POLG: variants seen among roughly 807,000 people sequenced by gnomAD.
POLG encodes DNA polymerase gamma, catalytic subunit, also known as DNA polymerase subunit gamma-1.
Under a neutral mutation model 155.4 loss-of-function variants are expected in POLG, and 110 were observed. The ratio of observed to expected loss-of-function variants is 0.71; its 90% CI spans 0.61 to 0.83. POLG has a LOEUF of 0.83. Ranked by LOEUF, POLG falls within the 40% of genes least tolerant of loss-of-function variation. The probability of loss-of-function intolerance (pLI) is 0.00; values close to 1 mark genes in which losing one functional copy is unlikely to be tolerated. For missense variants in POLG, 1,685 were observed against 1,627.5 expected (o/e 1.04, Z -0.61); for synonymous variants, 701 against 631.5 (o/e 1.11, Z -1.65).
intron 3 of POLG, 84 bp downstream of exon 3, chr15:89,329,997 A>T (rs1056251040): frequency 3.1e-4 from 364 of 1,168,850 alleles, no homozygotes; most frequent in Non-Finnish European, 4.4e-4. Flanking sequence ...ACGTGCCAGG[A>T]AAGGAGTACC....
In POLG at chr15:89,321,246, G is replaced by A. The variant is rs372878701; in HGVS notation, c.2613C>T (p.Gly871=). ...TASNARPDRV[G]SELKAMVQAP... is the part of the protein sequence containing the mutation. ...CCTGCACCATGGCTTTCAACTCACT[G>A]CCTACTCGGTCAGGCTGTGGGAAGA... is the stretch of plus-strand genomic sequence containing the variant. Residue 871 remains glycine (G), a synonymous_variant, in exon 17 of 23, where the codon GGC becomes GGT. Transcript: ENST00000268124. 1.1e-5 allele frequency: 18 copies of A among 1,614,030 alleles called. No homozygotes were observed. Among genetic ancestry groups the A allele is most frequent in the Non-Finnish European group, 1.5e-5 (18 of 1,180,002 alleles).
At chr15:89,325,759 C>A (rs1315826932) in intron 9 of POLG, 73 bp from the exon 10 acceptor site, 1 of 1,170,092 alleles carries the variant, frequency 8.5e-7, no homozygotes, top group Non-Finnish European at 1.3e-6. Context: ...CTCTCTCTCA[C>A]AATGTCCCCA....
rs187037755 is a variant in POLG at position 89,322,395 on chromosome 15, T to C, written c.2426+347A>G. Among the ~76,000 whole-genome samples, 184 of 152,296 alleles carry C rather than the reference T, an allele frequency of 1.2e-3. 2 individuals carry two copies. The highest frequency in any genetic ancestry group is 4.3e-3 in the African/African-American group (177 of 41,554). ...AAATGGCCTTCAAGATGAATACATT[T>C]GCCATTCCAGACTAGAAGACCCAGC... On this transcript the variant is annotated intron_variant, in intron 14 of 22. Transcript: ENST00000268124.
chr15:89,318,867 A>G lies in POLG; in HGVS notation c.3273+64T>C, dbSNP rs947759605. On this transcript the variant is annotated intron_variant, in intron 20 of 22. Transcript: ENST00000268124. ...CTACCTACAAACATTGGTAAGGTCC[A>G]CAGGGAGCTCTGCCCTGCCCTCCCT... The G allele has an allele frequency of 4.4e-5, 70 of 1,581,676 alleles. No individual in the cohort carries two copies. The Middle Eastern group carries it at 1.3e-3, about 30-fold the overall frequency.
intron 18 of POLG, 55 bp from the exon 19 acceptor site, chr15:89,319,405 G>A (rs1041057994): frequency 4.6e-5 from 74 of 1,606,926 alleles, no homozygotes; most frequent in Non-Finnish European, 6.3e-5. Context: ...TGCCACGCTA[G>A]TGCCTTGGCA....
chr15:89,333,255 G>A lies in POLG; in HGVS notation c.500C>T (p.Pro167Leu), dbSNP rs1424057005. Residue 167 changes from proline to leucine, a missense_variant, in exon 2 of 23, where the codon CCG becomes CTG. This residue lies in a region of POLG where 1,210 missense variants were observed against 1,167.1 expected (regional missense o/e 1.04). Transcript: ENST00000268124. ...CCAGCCCTCCGCCCAGGCCCAAGCCGGGGGCTTCGGGGGCAGCTGGGCCTG... is the reference window on the plus strand; with the variant it reads ...CCAGCCCTCCGCCCAGGCCCAAGCCAGGGGCTTCGGGGGCAGCTGGGCCTG... ...LLQAQLPPKP[P>L]AWAWAEGWTR... 2 of 1,563,292 alleles carry A rather than the reference G, an allele frequency of 1.3e-6. No individual in the cohort carries two copies. The highest frequency in any genetic ancestry group is 1.7e-6 in the Non-Finnish European group (2 of 1,153,122).
intron 10 of POLG, among the ~76,000 whole-genome samples, chr15:89,325,083 AGAGAGTGAGTGAGT>A: frequency 1.1e-5 from 1 of 91,220 alleles, no homozygotes; most frequent in Middle Eastern, 5.1e-3. Flanking sequence ...TGAGTGAGTG[AGAGAGTGAGTGAGT>A]GAGAGAGTGA....
chr15:89,322,212 C>T (rs1403593982), intron 14 of POLG, among the ~76,000 whole-genome samples, 197 bp from the exon 15 acceptor site: 1 of 152,234 alleles, frequency 6.6e-6, no homozygotes, highest in East Asian at 1.9e-4. Context: ...CATAAACCAT[C>T]TGGGAACCGG....
At chr15:89,322,166 C>T (rs1358721479) in intron 14 of POLG, 151 bp from the exon 15 acceptor site, 4 of 788,106 alleles carry the variant, frequency 5.1e-6, no homozygotes, top group Non-Finnish European at 8.9e-6. Flanking sequence ...CCTGGCTCAG[C>T]CAAGAACTGG....
intron 1 of POLG, chr15:89,334,133 G>T: frequency 2.9e-6 from 1 of 348,880 alleles, no homozygotes. Context: ...GAAGCCGAGG[G>T]CAGCGAGTAA....
In POLG at chr15:89,321,113, G is replaced by A; in HGVS notation, c.2734+12C>T. The A allele has an allele frequency of 1.2e-6, 2 of 1,614,184 alleles. No homozygotes were observed. Among genetic ancestry groups the A allele is most frequent in the South Asian group, 1.1e-5 (1 of 91,084 alleles). Reference sequence around the variant, plus strand: ...GAGGGGCTGGGCTGCCCCAACCCCGGCTCCTGCTCACCATGCATGCCGGCA... The same window carrying A: ...GAGGGGCTGGGCTGCCCCAACCCCGACTCCTGCTCACCATGCATGCCGGCA... On this transcript the variant is annotated intron_variant, in intron 17 of 22. Transcript: ENST00000268124.
intron 9 of POLG, among the ~76,000 whole-genome samples, chr15:89,326,269 A>G (rs2055515627): frequency 6.6e-6 from 1 of 152,192 alleles, no homozygotes; most frequent in Admixed American, 6.5e-5. Context: ...GCAGAGTCAG[A>G]ACTCTACCTA....
intron 4 of POLG, 33 bp downstream of exon 4, chr15:89,328,910 C>T: frequency 1.9e-6 from 3 of 1,614,104 alleles, no homozygotes; most frequent in Non-Finnish European, 2.5e-6. Flanking sequence ...GTCCCAAGCA[C>T]TATGCTCCTG....
At chr15:89,322,445 G>C (rs373153759) in intron 14 of POLG, among the ~76,000 whole-genome samples, 6 of 152,228 alleles carry the variant, frequency 3.9e-5, no homozygotes, top group African/African-American at 1.2e-4. Flanking sequence ...AGGGCTTACA[G>C]GCCACCAGCT....
Position 89,333,662 on chromosome 15 carries a change from G to C in POLG, c.93C>G (p.Pro31=), listed in dbSNP as rs1242493308. ...APGRWVSSSV[P]ASDPSDGQRR... ...GCTGCCCGTCGCTGGGGTCGGACGC[G>C]GGGACGGAGCTGGAGACCCAGCGCC... Residue 31 remains proline (P), a synonymous_variant, in exon 2 of 23, where the codon CCC becomes CCG. Coordinates refer to ENST00000268124, the MANE Select transcript of POLG (RefSeq NM_002693.3). The C allele has an allele frequency of 1.3e-6, 2 of 1,566,148 alleles. No homozygotes were observed. The highest frequency in any genetic ancestry group is 1.7e-6 in the Non-Finnish European group (2 of 1,160,880).
intron 6 of POLG, 108 bp from the exon 7 acceptor site, chr15:89,327,457 C>T: frequency 1.0e-6 from 1 of 990,566 alleles, no homozygotes; most frequent in Non-Finnish European, 1.6e-6. Context: ...CATGGCACAG[C>T]TCAAAAGTCA....
At position 89,325,125 on chromosome 15, in the gene POLG, AGT is replaced by A. The variant is rs1357811560; in HGVS notation, c.1949+323_1949+324del. Among the ~76,000 whole-genome samples the A allele has an allele frequency of 7.1e-4, 49 of 69,374 alleles. 10 individuals carry two copies. Among genetic ancestry groups the A allele is most frequent in the African/African-American group, 1.6e-3 (31 of 19,950 alleles). 45.5% of individuals were successfully genotyped at this position (69,374 alleles called of 152,430 possible). A position where few individuals can be genotyped will look rare whatever the true frequency, so the allele number is the denominator to read the frequency against. ...GAGAGTGAGAGAGAGTGAGTGAGTG[AGT>A]GAGAGAGTGAGTGAGAGAGTGAGTG... On this transcript the variant is annotated intron_variant, in intron 10 of 22. Transcript: ENST00000268124.
rs1348282253 is a variant in POLG, at chr15:89,321,110, C to T, written c.2734+15G>A. 3 of 1,614,098 alleles carry T rather than the reference C, an allele frequency of 1.9e-6. No homozygotes were observed. The highest frequency in any genetic ancestry group is 2.5e-6 in the Non-Finnish European group (3 of 1,180,054). On this transcript the variant is annotated intron_variant, in intron 17 of 22. Transcript: ENST00000268124. ...GCTGAGGGGCTGGGCTGCCCCAACC[C>T]CGGCTCCTGCTCACCATGCATGCCG...
At position 89,316,632 on chromosome 15, in the gene POLG, A is replaced by T; in HGVS notation, c.*119T>A. The T allele has an allele frequency of 1.7e-6, 2 of 1,149,398 alleles. No individual in the cohort carries two copies. Among genetic ancestry groups the T allele is most frequent in the Non-Finnish European group, 2.6e-6 (2 of 766,086 alleles). 71.2% of individuals were successfully genotyped at this position (1,149,398 alleles called of 1,614,324 possible). On this transcript the variant is annotated 3_prime_UTR_variant, in exon 23 of 23. Transcript: ENST00000268124. ...ATCTTCTTGGCAGGTCCTGCTACTG[A>T]AAAATGGCTGGCCTTAGGCAAGCCC...
Sources: gnomAD v4.1 joint callset for allele counts (sites outside exome capture counted in the v4.1 genomes callset) on GRCh38, gnomAD v4.1.1 for gene constraint, gnomAD v4.1.1 regional missense constraint, MANE v1.5 for transcripts, NCBI Gene and HGNC (gene_info 2026-07-23, HGNC 2026-07-21) for gene names.